The following PARD3 variants were observed in gnomAD, a reference collection of about 807,000 sequenced individuals.
The protein encoded by PARD3 is par-3 family cell polarity regulator, also known as partitioning defective 3 homolog.
A neutral mutation model predicts 155.4 loss-of-function variants in PARD3; 75 were observed. The observed-to-expected ratio is 0.48, with a 90% CI of 0.40 to 0.58. The LOEUF (loss-of-function observed/expected upper bound fraction) is 0.58, where lower values mean the gene tolerates loss of function less well. Among genes scored for constraint, PARD3 ranks in the 20% least tolerant of loss-of-function variants. The probability of loss-of-function intolerance (pLI) is 0.00; values close to 1 mark genes in which losing one functional copy is unlikely to be tolerated. For missense variants in PARD3, 1,642 were observed against 1,721.7 expected (o/e 0.95, Z 0.82); for synonymous variants, 576 against 610.5 (o/e 0.94, Z 0.83).
At chr10:34,664,739 G>T (rs2093408610) in intron 2 of PARD3, among the ~76,000 whole-genome samples, 1 of 152,166 alleles carries the variant, frequency 6.6e-6, no homozygotes, top group Non-Finnish European at 1.5e-5. Context: ...GCCCACTTTG[G>T]CCTCCCAAAG....
At chr10:34,424,115 T>G (rs1201670570) in intron 5 of PARD3, among the ~76,000 whole-genome samples, 2 of 152,224 alleles carry the variant, frequency 1.3e-5, no homozygotes, top group Non-Finnish European at 2.9e-5. Context: ...CCTAATATAA[T>G]ATAATACAAA....
In PARD3 at chr10:34,355,939, A is replaced by AC. The variant is rs1216232928; in HGVS notation, c.2067+3207_2067+3208insG. Among the ~76,000 whole-genome samples, 175 of 133,718 alleles carry AC rather than the reference A, an allele frequency of 1.3e-3. 3 individuals carry two copies. Among genetic ancestry groups the AC allele is most frequent in the African/African-American group, 1.7e-3 (46 of 26,510 alleles). 87.7% of individuals were successfully genotyped at this position (133,718 alleles called of 152,430 possible). On this transcript the variant is annotated intron_variant, in intron 14 of 24. Coordinates refer to ENST00000374788, the MANE Select transcript of PARD3 (RefSeq NM_001184785.2). ...CACTCCGTCTCAAAAAAAAAAAAAA[A>AC]AAAAAAACAAAACAAAACCAAACAA...
At chr10:34,408,482 T>G (rs902611306) in intron 5 of PARD3, among the ~76,000 whole-genome samples, 4 of 152,142 alleles carry the variant, frequency 2.6e-5, no homozygotes, top group African/African-American at 9.7e-5. Context: ...ATTAAAGCAC[T>G]TTTTCTTTGG....
intron 22 of PARD3, among the ~76,000 whole-genome samples, chr10:34,141,991 A>T (rs2132870674): frequency 6.6e-6 from 1 of 152,300 alleles, no homozygotes; most frequent in African/African-American, 2.4e-5. Context: ...TGTCAAACTA[A>T]TTATCAAGGT....
intron 1 of PARD3, among the ~76,000 whole-genome samples, chr10:34,698,889 A>G (rs994604607): frequency 6.6e-6 from 1 of 152,144 alleles, no homozygotes; most frequent in Non-Finnish European, 1.5e-5. Context: ...AATTTTTTTT[A>G]AAAATTGTCT....
At chr10:34,447,784 G>C (rs1307256516) in intron 5 of PARD3, among the ~76,000 whole-genome samples, 1 of 143,656 alleles carries the variant, frequency 7.0e-6, no homozygotes, top group Non-Finnish European at 1.5e-5. Context: ...CAGCTTGAGC[G>C]ACACAGCAAG....
chr10:34,238,607 G>C (rs1033044294), intron 22 of PARD3, among the ~76,000 whole-genome samples: 1 of 152,052 alleles, frequency 6.6e-6, no homozygotes, highest in East Asian at 1.9e-4. Context: ...AAAAGCCTAA[G>C]AAAATATTTT....
intron 11 of PARD3, among the ~76,000 whole-genome samples, chr10:34,373,500 T>C (rs1300733903): frequency 6.6e-6 from 1 of 151,506 alleles, no homozygotes; most frequent in Non-Finnish European, 1.5e-5. Flanking sequence ...AATTAAAGCT[T>C]CGGCAAATCA....
chr10:34,479,806 A>T (rs1018615200), intron 3 of PARD3, among the ~76,000 whole-genome samples: 1 of 152,026 alleles, frequency 6.6e-6, no homozygotes, highest in Non-Finnish European at 1.5e-5. Context: ...AACCCATCAG[A>T]TCTAGTATTT....
At chr10:34,268,308 G>GA (rs1955435124) in intron 22 of PARD3, among the ~76,000 whole-genome samples, 1 of 151,850 alleles carries the variant, frequency 6.6e-6, no homozygotes. Flanking sequence ...TGGAGAAATA[G>GA]GAACACTTTT....
chr10:34,662,758 G>T (rs1456600898), intron 2 of PARD3, among the ~76,000 whole-genome samples: 1 of 151,970 alleles, frequency 6.6e-6, no homozygotes, highest in African/African-American at 2.4e-5. Context: ...TGTAATTCCA[G>T]CTACTCGGGA....
chr10:34,577,299 G>A (rs889683297), intron 2 of PARD3, among the ~76,000 whole-genome samples: 6 of 152,146 alleles, frequency 3.9e-5, no homozygotes, highest in Non-Finnish European at 8.8e-5. Flanking sequence ...AGCAAATGAT[G>A]CATGTGTGTT....
At chr10:34,256,500 T>C (rs1438029748) in intron 22 of PARD3, among the ~76,000 whole-genome samples, 2 of 152,248 alleles carry the variant, frequency 1.3e-5, no homozygotes, top group Non-Finnish European at 2.9e-5. Context: ...ATCAGTTTCT[T>C]GCCTGTAAGT....
intron 2 of PARD3, among the ~76,000 whole-genome samples, chr10:34,529,097 C>A (rs113771142): frequency 3.3e-5 from 5 of 152,266 alleles, no homozygotes; most frequent in African/African-American, 1.2e-4. Context: ...ATGCTCTCAG[C>A]CAGTTCCTGG....
chr10:34,711,738 A>G (rs182439272), intron 1 of PARD3, among the ~76,000 whole-genome samples: 162 of 152,284 alleles, frequency 1.1e-3, no homozygotes, highest in African/African-American at 3.4e-3. Flanking sequence ...GAACTTACAC[A>G]AGAGTTTCTA....
At chr10:34,439,395 A>G (rs1338457115) in intron 5 of PARD3, among the ~76,000 whole-genome samples, 7 of 143,170 alleles carry the variant, frequency 4.9e-5, no homozygotes, top group Middle Eastern at 7.2e-3. Flanking sequence ...TAACTTGCAG[A>G]AAAAAAAAAA....
At chr10:34,300,836 A>G (rs761552287) in intron 20 of PARD3, among the ~76,000 whole-genome samples, 3 of 152,212 alleles carry the variant, frequency 2.0e-5, no homozygotes, top group Non-Finnish European at 4.4e-5. Flanking sequence ...ACAACTCCCA[A>G]CATACAAGAG....
intron 11 of PARD3, among the ~76,000 whole-genome samples, chr10:34,373,815 T>C (rs531523306): frequency 6.6e-6 from 1 of 151,946 alleles, no homozygotes; most frequent in African/African-American, 2.4e-5. Context: ...TAAGATATTA[T>C]GACTAAAATT....
At chr10:34,376,141 G>T (rs1027607021) in intron 10 of PARD3, among the ~76,000 whole-genome samples, 1 of 152,108 alleles carries the variant, frequency 6.6e-6, no homozygotes, top group African/African-American at 2.4e-5. Context: ...GAAAATGCAC[G>T]TAAGTATCAA....
Sources: allele counts gnomAD v4.1 joint callset (sites outside exome capture counted in the v4.1 genomes callset), GRCh38; gene constraint gnomAD v4.1.1; transcripts MANE v1.5; gene names NCBI Gene and HGNC (gene_info 2026-07-23, HGNC 2026-07-21).